The following ZNF609 variants were observed in gnomAD, a reference collection of about 807,000 sequenced individuals.
The protein encoded by ZNF609 is zinc finger protein 609.
ZNF609 carries 11 observed loss-of-function variants against 109.5 expected under a neutral mutation model. The ratio of observed to expected loss-of-function variants is 0.10; its 90% CI spans 0.06 to 0.17. ZNF609 has a LOEUF of 0.17. Among genes scored for constraint, ZNF609 ranks in the 10% least tolerant of loss-of-function variants. ZNF609 has a pLI of 1.00. For synonymous variants in ZNF609, 646 were observed against 662.0 expected (o/e 0.98, Z 0.37); for missense variants, 1,559 against 1,772.4 (o/e 0.88, Z 2.16).
intron 1 of ZNF609, among the ~76,000 whole-genome samples, chr15:64,472,815 C>T (rs1893109855): frequency 6.6e-6 from 1 of 152,004 alleles, no homozygotes; most frequent in African/African-American, 2.4e-5. Context: ...CCACTTTACT[C>T]CAGCCTGGGC....
At chr15:64,530,332 G>A (rs755416920) in intron 2 of ZNF609, among the ~76,000 whole-genome samples, 1 of 152,150 alleles carries the variant, frequency 6.6e-6, no homozygotes, top group Non-Finnish European at 1.5e-5. Flanking sequence ...CCTAATAGCT[G>A]TGTGACTTTG....
Position 64,676,074 on chromosome 15 carries a change from C to G in ZNF609, c.3220C>G (p.Pro1074Ala), listed in dbSNP as rs1325937396. ...PGKAKEPGAD[P>A]AKSVIIPKLD... ...CAAGGCCAAGGAGCCAGGGGCTGAC[C>G]CAGCCAAATCAGTCATCATTCCCAA... The change falls in exon 5 of 10, where the codon CCA becomes GCA. Residue 1074 changes from proline to alanine, a missense_variant. By Grantham distance (27) the Pro-to-Ala change is conservative (BLOSUM62 -1). Coordinates refer to ENST00000326648, the MANE Select transcript of ZNF609 (RefSeq NM_015042.2). 2 of 1,614,096 alleles carry G rather than the reference C, an allele frequency of 1.2e-6. No individual in the cohort carries two copies. Among genetic ancestry groups the G allele is most frequent in the Non-Finnish European group, 1.7e-6 (2 of 1,180,036 alleles).
At chr15:64,462,870 G>A (rs1892962887) in intron 1 of ZNF609, among the ~76,000 whole-genome samples, 1 of 152,130 alleles carries the variant, frequency 6.6e-6, no homozygotes, top group Admixed American at 6.5e-5. Context: ...GATTATTAGT[G>A]AGAGAAGGAT....
chr15:64,496,618 T>C (rs1011603354), intron 1 of ZNF609, among the ~76,000 whole-genome samples: 28 of 152,342 alleles, frequency 1.8e-4, no homozygotes, highest in Non-Finnish European at 2.6e-4. Context: ...CTGTCTTACT[T>C]GCTGCTGTAT....
chr15:64,604,145 C>T (rs1473522499), intron 2 of ZNF609, among the ~76,000 whole-genome samples: 2 of 152,164 alleles, frequency 1.3e-5, no homozygotes, highest in African/African-American at 2.4e-5. Flanking sequence ...TTGTTTACCT[C>T]ACCCAACCTT....
chr15:64,539,064 C>T (rs1298083369), intron 2 of ZNF609, among the ~76,000 whole-genome samples: 3 of 148,598 alleles, frequency 2.0e-5, no homozygotes, highest in East Asian at 2.1e-4. Context: ...AGTGCAGTGG[C>T]GCGATCTTGG....
intron 4 of ZNF609, 75 bp from the exon 5 acceptor site, chr15:64,673,841 G>A: frequency 1.3e-6 from 2 of 1,488,210 alleles, no homozygotes; most frequent in Non-Finnish European, 1.8e-6. Context: ...GGACAGTTCT[G>A]GAGGCTACAG....
rs748232574 is a variant in ZNF609 at position 64,682,345 on chromosome 15, A to G, written c.*659A>G. The stretch of plus-strand genomic sequence containing the variant: ...CTCACAACCTAGCCTGGAAAGGAAG[A>G]CCAAGGCATCTGCCCCAACATGGCC... On this transcript the variant is annotated 3_prime_UTR_variant, in exon 10 of 10. Transcript: ENST00000326648. 2 of 152,670 alleles carry G rather than the reference A, an allele frequency of 1.3e-5. No homozygotes were observed. Among genetic ancestry groups the G allele is most frequent in the Non-Finnish European group, 2.9e-5 (2 of 68,044 alleles). 9.5% of individuals were successfully genotyped at this position (152,670 alleles called of 1,614,324 possible). A position where few individuals can be genotyped will look rare whatever the true frequency, so the allele number is the denominator to read the frequency against.
chr15:64,665,642 G>C (rs1185310368), intron 3 of ZNF609, among the ~76,000 whole-genome samples: 1 of 152,196 alleles, frequency 6.6e-6, no homozygotes, highest in East Asian at 1.9e-4. Flanking sequence ...GGGCCCGGTG[G>C]CGCATGCCTG....
intron 2 of ZNF609, chr15:64,501,150 G>A (rs561078923): frequency 6.6e-6 from 1 of 152,360 alleles, no homozygotes; most frequent in South Asian, 2.1e-4. Context: ...TGCTCATCCT[G>A]TGCTTTCAGC....
intron 2 of ZNF609, among the ~76,000 whole-genome samples, chr15:64,601,623 A>G (rs1299188262): frequency 6.6e-6 from 1 of 152,256 alleles, no homozygotes; most frequent in African/African-American, 2.4e-5. Flanking sequence ...TATTGAGCTC[A>G]AACATTTAAG....
At chr15:64,601,343 G>C (rs615278) in intron 2 of ZNF609, among the ~76,000 whole-genome samples, 1 of 152,038 alleles carries the variant, frequency 6.6e-6, no homozygotes, top group Non-Finnish European at 1.5e-5. Context: ...CTAACAGCCA[G>C]GTAAGATAGT....
At chr15:64,478,656 A>G (rs1031105299) in intron 1 of ZNF609, among the ~76,000 whole-genome samples, 6 of 152,072 alleles carry the variant, frequency 3.9e-5, no homozygotes, top group Non-Finnish European at 8.8e-5. Context: ...TGGGATTACA[A>G]GTATGAGCCA....
Position 64,486,948 on chromosome 15 carries a change from C to T in ZNF609, c.-127-12345C>T, listed in dbSNP as rs558484237. ...TAATGTGTTCTCTTACTGCCCTTCT[C>T]TTCGTATCGAATCATCCCAATATAG... On this transcript the variant is annotated intron_variant, in intron 1 of 9. Transcript: ENST00000326648. 5.3e-5 allele frequency among the ~76,000 whole-genome samples: 8 copies of T among 152,258 alleles called. No homozygotes were observed. In the East Asian group the frequency reaches 1.3e-3, roughly 26 times the overall value.
At chr15:64,562,670 T>G (rs1159727156) in intron 2 of ZNF609, among the ~76,000 whole-genome samples, 2 of 152,178 alleles carry the variant, frequency 1.3e-5, no homozygotes, top group Admixed American at 1.3e-4. Context: ...TTTTACATTC[T>G]TTGTTTATTT....
At chr15:64,510,205 CTTT>C (rs11413947) in intron 2 of ZNF609, among the ~76,000 whole-genome samples, 2 of 137,912 alleles carry the variant, frequency 1.5e-5, no homozygotes, top group Non-Finnish European at 1.5e-5. Context: ...ATTTTTTTTT[CTTT>C]TTTTTTTTTT....
intron 2 of ZNF609, among the ~76,000 whole-genome samples, chr15:64,541,930 T>C (rs1464608028): frequency 6.6e-6 from 1 of 151,214 alleles, no homozygotes; most frequent in Non-Finnish European, 1.5e-5. Flanking sequence ...ACTTAACGAG[T>C]CCATTTTTTC....
At chr15:64,492,441 A>G (rs558497039) in intron 1 of ZNF609, among the ~76,000 whole-genome samples, 2 of 152,310 alleles carry the variant, frequency 1.3e-5, no homozygotes, top group East Asian at 3.9e-4. Context: ...AATACTTTAG[A>G]TGCCTTGTGA....
intron 1 of ZNF609, among the ~76,000 whole-genome samples, chr15:64,476,564 GAA>G (rs1354244869): frequency 1.3e-5 from 2 of 152,154 alleles, no homozygotes; most frequent in East Asian, 1.9e-4. Flanking sequence ...CCAGCAGAGA[GAA>G]AGGCAATGTC....
Sources: gnomAD v4.1 joint callset for allele counts (sites outside exome capture counted in the v4.1 genomes callset) on GRCh38, gnomAD v4.1.1 for gene constraint, MANE v1.5 for transcripts, NCBI Gene and HGNC (gene_info 2026-07-23, HGNC 2026-07-21) for gene names.